Variants in ALKBH8 observed in about 807,000 individuals in gnomAD.
The protein encoded by ALKBH8 is tRNA (carboxymethyluridine(34)-5-O)-methyltransferase ALKBH8.
Under a neutral mutation model 59.8 loss-of-function variants are expected in ALKBH8, and 36 were observed. The ratio of observed to expected loss-of-function variants is 0.60; its 90% CI spans 0.46 to 0.79. The LOEUF is 0.79. Among genes scored for constraint, ALKBH8 ranks in the 30% least tolerant of loss-of-function variants. ALKBH8 has a pLI of 0.00. For synonymous variants in ALKBH8, 276 were observed against 273.6 expected (o/e 1.01, Z -0.09); for missense variants, 768 against 801.0 (o/e 0.96, Z 0.50).
chr11:107,534,523 G>A (rs1406172942), intron 7 of ALKBH8, among the ~76,000 whole-genome samples: 1 of 152,096 alleles, frequency 6.6e-6, no homozygotes, highest in Non-Finnish European at 1.5e-5. Context: ...CAATACATAC[G>A]TATTTGTGAA....
At position 107,540,747 on chromosome 11, in the gene ALKBH8, C is replaced by T. The variant is rs534557839; in HGVS notation, c.772-8341G>A. ...AACATTCAAAAATGGGCTCACAAAC[C>T]ACTTCGATAAAATTAAGTTTTACTT... is the stretch of plus-strand genomic sequence containing the variant. On this transcript the variant is annotated intron_variant, in intron 7 of 11. Transcript: ENST00000428149. 4.3e-4 allele frequency among the ~76,000 whole-genome samples: 65 copies of T among 152,176 alleles called. No homozygotes were observed. The South Asian group carries it at 0.013, about 31-fold the overall frequency.
At chr11:107,505,914 A>G (rs895940207) in intron 11 of ALKBH8, among the ~76,000 whole-genome samples, 10 of 152,232 alleles carry the variant, frequency 6.6e-5, no homozygotes, top group African/African-American at 2.2e-4. Flanking sequence ...GGACAGAGTC[A>G]CAGATAAAGG....
At chr11:107,562,545 T>C (rs558371302) in intron 1 of ALKBH8, among the ~76,000 whole-genome samples, 1 of 152,120 alleles carries the variant, frequency 6.6e-6, no homozygotes, top group African/African-American at 2.4e-5. Flanking sequence ...CAACCAAATA[T>C]ACAAATTTGG....
intron 2 of ALKBH8, among the ~76,000 whole-genome samples, chr11:107,557,538 C>G (rs1005293515): frequency 1.3e-5 from 2 of 152,092 alleles, no homozygotes; most frequent in Non-Finnish European, 1.5e-5. Context: ...TTTCCAGGAT[C>G]CGCACTTTTA....
chr11:107,560,632 A>G (rs1864897466), intron 2 of ALKBH8, 133 bp downstream of exon 2: 13 of 819,628 alleles, frequency 1.6e-5, no homozygotes, highest in Non-Finnish European at 2.1e-5. Context: ...AGTTCATATC[A>G]TATGTACCTC....
At chr11:107,560,937 G>A (rs748812680) in intron 1 of ALKBH8, 38 bp from the exon 2 acceptor site, 3 of 1,542,432 alleles carry the variant, frequency 1.9e-6, no homozygotes, top group South Asian at 2.4e-5. Context: ...TCAACCTTAA[G>A]AGTCCTGAAG....
At chr11:107,532,456 C>T in intron 7 of ALKBH8, 50 bp from the exon 8 acceptor site, 2 of 1,395,210 alleles carry the variant, frequency 1.4e-6, no homozygotes, top group Non-Finnish European at 2.0e-6. Context: ...TTCATATACT[C>T]CAAGGATAAG....
intron 11 of ALKBH8, among the ~76,000 whole-genome samples, chr11:107,508,284 T>A (rs1459528803): frequency 6.6e-6 from 1 of 151,674 alleles, no homozygotes; most frequent in African/African-American, 2.4e-5. Flanking sequence ...GTGATTCTCA[T>A]GTCTCAGTCT....
chr11:107,533,328 C>A (rs1863674544), intron 7 of ALKBH8, among the ~76,000 whole-genome samples: 2 of 152,100 alleles, frequency 1.3e-5, no homozygotes, highest in Admixed American at 6.6e-5. Flanking sequence ...ATAGTACCTT[C>A]CTTAAAGGTA....
chr11:107,518,316 C>T (rs1195518318), intron 10 of ALKBH8, among the ~76,000 whole-genome samples: 1 of 152,172 alleles, frequency 6.6e-6, no homozygotes, highest in African/African-American at 2.4e-5. Context: ...TATTTTTAGA[C>T]TCAGAGTCTC....
At chr11:107,525,345 A>T in intron 9 of ALKBH8, 96 bp downstream of exon 9, 1 of 1,144,240 alleles carries the variant, frequency 8.7e-7, no homozygotes, top group Non-Finnish European at 1.2e-6. Context: ...CATTAGAGAG[A>T]TTCAGAAAAA....
intron 8 of ALKBH8, among the ~76,000 whole-genome samples, chr11:107,526,398 T>C (rs917614064): frequency 1.3e-5 from 2 of 152,050 alleles, no homozygotes; most frequent in Admixed American, 1.3e-4. Context: ...ATGTGCTTAT[T>C]AGACACACAT....
At chr11:107,547,815 C>T (rs1242582431) in intron 7 of ALKBH8, among the ~76,000 whole-genome samples, 3 of 152,146 alleles carry the variant, frequency 2.0e-5, no homozygotes, top group African/African-American at 4.8e-5. Context: ...ATGGCTTTAA[C>T]CAAACGTCAT....
chr11:107,557,764 A>G (rs1864776191), intron 2 of ALKBH8, among the ~76,000 whole-genome samples: 1 of 152,158 alleles, frequency 6.6e-6, no homozygotes, highest in African/African-American at 2.4e-5. Flanking sequence ...ACTAAACTTT[A>G]TTCAAGGAAA....
chr11:107,550,808 G>A (rs1164391468), intron 6 of ALKBH8, among the ~76,000 whole-genome samples: 1 of 152,154 alleles, frequency 6.6e-6, no homozygotes, highest in East Asian at 1.9e-4. Context: ...CCATGCACAT[G>A]CACACACAGA....
chr11:107,502,747 T>C lies in ALKBH8; in HGVS notation c.*1911A>G, dbSNP rs183917560. The C allele has an allele frequency of 6.6e-6, 1 of 152,356 alleles. No individual in the cohort carries two copies. The highest frequency in any genetic ancestry group is 1.9e-4 in the East Asian group (1 of 5,188). The allele number at this position is 152,356 out of a possible 1,614,324, so 9.4% of individuals were successfully genotyped here. ...AAAAGTCAGTAAGAATATAGATTTTTATTATACAATTAACAAATTATATTT... is the reference window on the plus strand; with the variant it reads ...AAAAGTCAGTAAGAATATAGATTTTCATTATACAATTAACAAATTATATTT... On this transcript the variant is annotated 3_prime_UTR_variant, in exon 12 of 12. Coordinates refer to ENST00000428149, the MANE Select transcript of ALKBH8 (RefSeq NM_138775.3).
At chr11:107,522,244 T>C (rs1037824508) in intron 10 of ALKBH8, 55 bp downstream of exon 10, 3 of 1,525,444 alleles carry the variant, frequency 2.0e-6, no homozygotes, top group Admixed American at 2.1e-5. Flanking sequence ...GGAAGAAAGA[T>C]GATGATAACC....
In ALKBH8 at chr11:107,556,885, G is replaced by C; in HGVS notation, c.248C>G (p.Ser83Ter). The C allele has an allele frequency of 6.2e-7, 1 of 1,611,048 alleles. No individual in the cohort carries two copies. Among genetic ancestry groups the C allele is most frequent in the Non-Finnish European group, 8.5e-7 (1 of 1,178,538 alleles). The change falls in exon 3 of 12, where the codon TCA becomes TGA. Residue 83 changes from serine to a stop codon, truncating the protein, a stop_gained. Transcript: ENST00000428149. LOFTEE classifies it high-confidence loss of function. The part of the protein sequence containing the change: ...ALLMPPNKPY[S>*]FARYRTTEES... ...TTCTGTAGTTCTGTATCTTGCAAAT[G>C]AGTACGGCTTGTTAGGTGGCATTAA...
At chr11:107,521,532 ACT>A (rs1243729966) in intron 10 of ALKBH8, among the ~76,000 whole-genome samples, 1 of 152,058 alleles carries the variant, frequency 6.6e-6, no homozygotes, top group Non-Finnish European at 1.5e-5. Flanking sequence ...CTACTCCCTT[ACT>A]CTCATCCTAA....
Sources: gnomAD v4.1 joint callset for allele counts (sites outside exome capture counted in the v4.1 genomes callset) on GRCh38, gnomAD v4.1.1 for gene constraint, MANE v1.5 for transcripts, NCBI Gene and HGNC (gene_info 2026-07-23, HGNC 2026-07-21) for gene names.